BMPR1B: variants seen among roughly 807,000 people sequenced by gnomAD.
BMPR1B encodes bone morphogenetic protein receptor type 1B, also known as bone morphogenetic protein receptor type-1B.
BMPR1B carries 12 observed loss-of-function variants against 59.1 expected under a neutral mutation model. That is an observed-to-expected ratio of 0.20 (90% confidence interval 0.13 to 0.33). The LOEUF (loss-of-function observed/expected upper bound fraction) is 0.33. Among genes scored for constraint, BMPR1B ranks in the 10% least tolerant of loss-of-function variants. BMPR1B has a pLI of 1.00. For missense variants in BMPR1B, 550 were observed against 610.9 expected, an observed-to-expected ratio of 0.90 and a Z score of 1.05; for synonymous variants, 237 against 207.3, an observed-to-expected ratio of 1.14 and a Z score of -1.23.
chr4:94,815,019 T>G (rs1723956265), intron 1 of BMPR1B, among the ~76,000 whole-genome samples: 1 of 152,106 alleles, frequency 6.6e-6, no homozygotes, highest in Admixed American at 6.5e-5. Context: ...TTCTCCTACC[T>G]CAGGCTTCTG....
chr4:94,951,899 G>A (rs1729954110), intron 2 of BMPR1B, among the ~76,000 whole-genome samples: 2 of 151,994 alleles, frequency 1.3e-5, no homozygotes, highest in African/African-American at 2.4e-5. Context: ...GGCTTTTTTT[G>A]GTTGGTAGGG....
chr4:94,953,941 G>T (rs187613256), intron 2 of BMPR1B, among the ~76,000 whole-genome samples: 1 of 152,034 alleles, frequency 6.6e-6, no homozygotes. Context: ...ATTTCTTGGA[G>T]GTTGGAGGCT....
intron 1 of BMPR1B, among the ~76,000 whole-genome samples, chr4:94,784,694 G>C (rs1395479561): frequency 6.6e-6 from 1 of 151,886 alleles, no homozygotes; most frequent in Non-Finnish European, 1.5e-5. Context: ...ATTTATACTG[G>C]GCCCAGTTGA....
At chr4:95,144,197 T>C (rs1579157526) in intron 10 of BMPR1B, among the ~76,000 whole-genome samples, 1 of 152,194 alleles carries the variant, frequency 6.6e-6, no homozygotes, top group Admixed American at 6.5e-5. Flanking sequence ...TTTTTTGAGA[T>C]GAGGTCTCCC....
chr4:95,119,735 A>G (rs1465639806), intron 6 of BMPR1B, among the ~76,000 whole-genome samples: 1 of 152,154 alleles, frequency 6.6e-6, no homozygotes, highest in Non-Finnish European at 1.5e-5. Context: ...TTTCATTAAT[A>G]TTTTGCAACT....
chr4:95,034,655 A>ATG (rs1424570243), intron 3 of BMPR1B, among the ~76,000 whole-genome samples: 6 of 151,756 alleles, frequency 4.0e-5, no homozygotes, highest in Non-Finnish European at 7.4e-5. Flanking sequence ...ATATATATAT[A>ATG]TATGCTCCAT....
At chr4:94,902,088 G>GTGTGTGT (rs201783533) in intron 2 of BMPR1B, among the ~76,000 whole-genome samples, 1,317 of 119,832 alleles carry the variant, frequency 0.011, 35 homozygotes, top group African/African-American at 0.031. Flanking sequence ...TGTGTGTGTG[G>GTGTGTGT]GGTGTATTTA....
chr4:95,139,211 C>T (rs1344468609), intron 10 of BMPR1B, among the ~76,000 whole-genome samples: 4 of 152,144 alleles, frequency 2.6e-5, no homozygotes, highest in African/African-American at 4.8e-5. Flanking sequence ...GTATCACCAG[C>T]GGAGGCTGCA....
intron 3 of BMPR1B, among the ~76,000 whole-genome samples, chr4:95,093,190 C>T (rs1730120320): frequency 6.6e-6 from 1 of 151,980 alleles, no homozygotes; most frequent in African/African-American, 2.4e-5. Flanking sequence ...ACTTGCTTGT[C>T]AAGTTAATTT....
At chr4:94,841,138 G>A (rs1019250036) in intron 1 of BMPR1B, among the ~76,000 whole-genome samples, 6 of 149,086 alleles carry the variant, frequency 4.0e-5, no homozygotes, top group African/African-American at 7.4e-5. Flanking sequence ...CTCCAGCTGC[G>A]TGCTGGGAGA....
chr4:94,841,713 C>T (rs143647297), intron 1 of BMPR1B, among the ~76,000 whole-genome samples: 5 of 152,254 alleles, frequency 3.3e-5, no homozygotes, highest in Admixed American at 6.5e-5. Context: ...AGAAATCACC[C>T]GTCTTCTGCG....
chr4:95,098,025 T>A (rs1332590483), intron 3 of BMPR1B, among the ~76,000 whole-genome samples: 1 of 151,886 alleles, frequency 6.6e-6, no homozygotes, highest in Non-Finnish European at 1.5e-5. Context: ...TTTATATGAG[T>A]CAACTAAATG....
intron 3 of BMPR1B, among the ~76,000 whole-genome samples, chr4:95,095,613 C>T (rs1579069873): frequency 6.6e-6 from 1 of 151,960 alleles, no homozygotes; most frequent in African/African-American, 2.4e-5. Flanking sequence ...TTGTGATATT[C>T]AAAGAGTTTA....
intron 2 of BMPR1B, among the ~76,000 whole-genome samples, chr4:94,911,855 G>A (rs562662838): frequency 6.6e-6 from 1 of 152,190 alleles, no homozygotes; most frequent in East Asian, 1.9e-4. Flanking sequence ...TATTTGCTAA[G>A]GTCAATCTAG....
intron 7 of BMPR1B, 144 bp from the exon 8 acceptor site, chr4:95,124,839 A>G: frequency 1.3e-6 from 1 of 756,864 alleles, no homozygotes; most frequent in Non-Finnish European, 2.1e-6. Context: ...GGGAAACCAT[A>G]ACTAAGAGTA....
intron 2 of BMPR1B, among the ~76,000 whole-genome samples, chr4:94,921,575 G>A (rs572920092): frequency 6.6e-6 from 1 of 152,064 alleles, no homozygotes; most frequent in African/African-American, 2.4e-5. Context: ...TTAAACAACC[G>A]CATCTCATGA....
At chr4:94,877,049 A>G (rs574117224) in intron 2 of BMPR1B, among the ~76,000 whole-genome samples, 2 of 152,286 alleles carry the variant, frequency 1.3e-5, no homozygotes, top group East Asian at 1.9e-4. Context: ...TATAAATACA[A>G]TATATATGTT....
At chr4:94,892,745 A>G (rs1371857707) in intron 2 of BMPR1B, among the ~76,000 whole-genome samples, 2 of 152,102 alleles carry the variant, frequency 1.3e-5, no homozygotes, top group Non-Finnish European at 2.9e-5. Context: ...TCATTTAACT[A>G]TCAGCTTTTG....
chr4:95,033,998 A>G (rs1369116721), intron 3 of BMPR1B, among the ~76,000 whole-genome samples: 1 of 152,146 alleles, frequency 6.6e-6, no homozygotes, highest in Non-Finnish European at 1.5e-5. Context: ...TATCCATCAG[A>G]TCCATCAAAT....
Sources: gnomAD v4.1 joint callset for allele counts (sites outside exome capture counted in the v4.1 genomes callset) on GRCh38, gnomAD v4.1.1 for gene constraint, MANE v1.5 for transcripts, NCBI Gene and HGNC (gene_info 2026-07-23, HGNC 2026-07-21) for gene names.